The following GLB1L3 variants were observed in gnomAD, a reference collection of about 807,000 sequenced individuals.
GLB1L3 encodes galactosidase beta 1 like 3, also known as beta-galactosidase-1-like protein 3.
A neutral mutation model predicts 89.5 loss-of-function variants in GLB1L3; 89 were observed. The observed-to-expected ratio is 0.99, with a 90% CI of 0.84 to 1.19. The LOEUF is 1.19. GLB1L3 is among the 50% of genes most tolerant of loss of function. The pLI, the probability that GLB1L3 is intolerant of heterozygous loss-of-function variation, is 0.00. For missense variants in GLB1L3, 812 were observed against 813.3 expected (o/e 1.00, Z 0.02); for synonymous variants, 314 against 312.3 (o/e 1.01, Z -0.06).
intron 9 of GLB1L3, among the ~76,000 whole-genome samples, chr11:134,302,052 G>C (rs1028376630): frequency 6.6e-6 from 1 of 151,764 alleles, no homozygotes; most frequent in Non-Finnish European, 1.5e-5. Context: ...GTGGCTTCTC[G>C]CTGGCCTGCT....
chr11:134,295,692 G>A (rs892674419), intron 9 of GLB1L3, among the ~76,000 whole-genome samples: 1 of 151,984 alleles, frequency 6.6e-6, no homozygotes, highest in African/African-American at 2.4e-5. Context: ...TCTTTCTGGT[G>A]GAAATTTAGC....
chr11:134,292,213 G>A lies in GLB1L3; in HGVS notation c.811G>A (p.Val271Met). ...KHVLSGHTKG[V>M]LAAINLQKLH... is the part of the protein sequence containing the mutation. ...TGTGCTGAGTGGCCACACCAAAGGA[G>A]GTACACATTTAGAGTTAGTTCACAG... The change falls in exon 8 of 20, where the codon GTG (valine) becomes ATG (methionine). Residue 271 changes from valine to methionine, a missense_variant and splice_region_variant. Physicochemically the swap from Val to Met is conservative, Grantham distance 21. Coordinates refer to ENST00000431683, the MANE Select transcript of GLB1L3 (RefSeq NM_001080407.3). The A allele has an allele frequency of 6.2e-7, 1 of 1,609,714 alleles. No individual in the cohort carries two copies. Among genetic ancestry groups the A allele is most frequent in the Non-Finnish European group, 8.5e-7 (1 of 1,176,490 alleles).
downstream of GLB1L3, among the ~76,000 whole-genome samples, chr11:134,321,268 C>A (rs1291747856): frequency 1.3e-5 from 2 of 152,080 alleles, no homozygotes; most frequent in Non-Finnish European, 2.9e-5. Flanking sequence ...GTTGAATATT[C>A]CTAGTTAATA....
At chr11:134,314,896 TC>T (rs1942914051) in intron 18 of GLB1L3, among the ~76,000 whole-genome samples, 1 of 152,218 alleles carries the variant, frequency 6.6e-6, no homozygotes, top group African/African-American at 2.4e-5. Context: ...AATATCTTTT[TC>T]TGTATAAATA....
At chr11:134,306,810 C>T (rs1197604315) in intron 9 of GLB1L3, among the ~76,000 whole-genome samples, 12 of 152,236 alleles carry the variant, frequency 7.9e-5, no homozygotes, top group South Asian at 2.1e-4. Flanking sequence ...GTCAGGTCCT[C>T]GTGTATCCAA....
chr11:134,292,737 G>A (rs1033374344), intron 8 of GLB1L3: 4 of 316,820 alleles, frequency 1.3e-5, no homozygotes, highest in African/African-American at 2.2e-5. Context: ...GGACACGCCC[G>A]GGAGTGAGCA....
chr11:134,293,110 C>T, intron 8 of GLB1L3, 35 bp from the exon 9 acceptor site: 2 of 1,592,726 alleles, frequency 1.3e-6, no homozygotes, highest in Non-Finnish European at 8.6e-7. Flanking sequence ...GCACTTGTCT[C>T]ATGCCTCAGC....
intron 10 of GLB1L3, among the ~76,000 whole-genome samples, chr11:134,308,281 CAAAT>C (rs1201769553): frequency 1.5e-3 from 50 of 32,298 alleles, no homozygotes; most frequent in African/African-American, 2.4e-3. Flanking sequence ...CCACCACCAC[CAAAT>C]ACCACCACCA....
intron 9 of GLB1L3, among the ~76,000 whole-genome samples, chr11:134,294,655 G>A (rs542531967): frequency 6.6e-6 from 1 of 152,270 alleles, no homozygotes; most frequent in South Asian, 2.1e-4. Flanking sequence ...CCCGTCTCCA[G>A]CCCTGGGCAG....
chr11:134,296,800 C>G (rs868227421), intron 9 of GLB1L3, among the ~76,000 whole-genome samples: 10 of 149,524 alleles, frequency 6.7e-5, no homozygotes, highest in African/African-American at 2.5e-4. Context: ...ATGTAACTAA[C>G]CTGCACATTG....
intron 10 of GLB1L3, 146 bp downstream of exon 10, chr11:134,307,354 T>A: frequency 1.6e-6 from 1 of 628,928 alleles, no homozygotes; most frequent in East Asian, 2.8e-5. Context: ...AGCCAGGCCC[T>A]GAGGATGCTC....
chr11:134,317,624 A>G (rs1943040274), intron 18 of GLB1L3, among the ~76,000 whole-genome samples: 1 of 152,218 alleles, frequency 6.6e-6, no homozygotes, highest in African/African-American at 2.4e-5. Flanking sequence ...ACTTGAAAGA[A>G]TATGTGTATA....
At chr11:134,293,322 C>G in intron 9 of GLB1L3, 113 bp downstream of exon 9, 1 of 878,554 alleles carries the variant, frequency 1.1e-6, no homozygotes, top group Non-Finnish European at 1.8e-6. Context: ...CAGGTTTTCA[C>G]CCTGGGTCCT....
chr11:134,320,838 C>T (rs1357152187), downstream of GLB1L3, among the ~76,000 whole-genome samples: 2 of 152,096 alleles, frequency 1.3e-5, no homozygotes, highest in African/African-American at 2.4e-5. Context: ...CGGCCTTTCT[C>T]AATGTCCCAT....
In GLB1L3 at chr11:134,276,406, A is replaced by C; in HGVS notation, c.-335A>C. On this transcript the variant is annotated 5_prime_UTR_variant, in exon 1 of 20. Transcript: ENST00000431683. ...CCCTGTGCCAGCCGGCTGTCGACCC[A>C]GGTTAGGAAGCCCGAGGTCGGGGCG... The C allele has an allele frequency of 7.5e-6, 2 of 267,814 alleles. No individual in the cohort carries two copies. The highest frequency in any genetic ancestry group is 7.0e-6 in the Non-Finnish European group (1 of 143,236). The allele number at this position is 267,814 out of a possible 1,614,324, so 16.6% of individuals were successfully genotyped here.
Position 134,312,902 on chromosome 11 carries a change from A to G in GLB1L3, c.1500+15A>G, listed in dbSNP as rs1165351164. ...CTGAACTCAGGGTATGTAATTTGAG[A>G]GTCCAGGTGATGCCCTCGACCCCCC... On this transcript the variant is annotated intron_variant, in intron 15 of 19. Transcript: ENST00000431683. 1.2e-5 allele frequency: 18 copies of G among 1,560,634 alleles called. No homozygotes were observed. The highest frequency in any genetic ancestry group is 1.6e-5 in the Non-Finnish European group (18 of 1,135,162).
Position 134,303,556 on chromosome 11 carries a change from C to G in GLB1L3, c.877-3568C>G, listed in dbSNP as rs140822810. Among the ~76,000 whole-genome samples, 857 of 152,234 alleles carry G rather than the reference C, an allele frequency of 5.6e-3. 12 individuals carry two copies. The highest frequency in any genetic ancestry group is 0.019 in the African/African-American group (805 of 41,518). Reference sequence around the variant, plus strand: ...TGAAATTTTAATGTAAGTACTGAGTCCCCTGCAGTCTAAAGTTCTGCTCTC... The same window carrying G: ...TGAAATTTTAATGTAAGTACTGAGTGCCCTGCAGTCTAAAGTTCTGCTCTC... On this transcript the variant is annotated intron_variant, in intron 9 of 19. Transcript: ENST00000431683.
intron 7 of GLB1L3, 28 bp from the exon 8 acceptor site, chr11:134,292,104 G>A (rs1565398390): frequency 6.4e-7 from 1 of 1,556,476 alleles, no homozygotes; most frequent in East Asian, 2.2e-5. Flanking sequence ...GAGGGAATTG[G>A]GTTCATTTTG....
intron 9 of GLB1L3, among the ~76,000 whole-genome samples, chr11:134,294,176 C>G (rs1441934794): frequency 6.6e-6 from 1 of 151,994 alleles, no homozygotes; most frequent in African/African-American, 2.4e-5. Context: ...AAGCGATTCT[C>G]CTGCCTCAGC....
Sources: allele counts gnomAD v4.1 joint callset (sites outside exome capture counted in the v4.1 genomes callset), GRCh38; gene constraint gnomAD v4.1.1; transcripts MANE v1.5; gene names NCBI Gene and HGNC (gene_info 2026-07-23, HGNC 2026-07-21).